KLHDC1: variants seen among roughly 807,000 people sequenced by gnomAD.
KLHDC1 encodes kelch domain containing 1.
KLHDC1 carries 53 observed loss-of-function variants against 68.3 expected under a neutral mutation model. The ratio of observed to expected loss-of-function variants is 0.78; its 90% CI spans 0.62 to 0.98. The LOEUF (loss-of-function observed/expected upper bound fraction) is 0.98, where lower values mean the gene tolerates loss of function less well. Ranked by LOEUF, KLHDC1 falls within the 50% of genes least tolerant of loss-of-function variation. The pLI is 0.00. For synonymous variants in KLHDC1, 148 were observed against 159.0 expected (o/e 0.93, Z 0.52); for missense variants, 470 against 492.3 (o/e 0.95, Z 0.43).
intron 6 of KLHDC1, among the ~76,000 whole-genome samples, chr14:49,727,161 T>C (rs1432369593): frequency 6.6e-6 from 1 of 151,966 alleles, no homozygotes; most frequent in Non-Finnish European, 1.5e-5. Context: ...GGCAGGAGAA[T>C]TGCTTGAACC....
intron 4 of KLHDC1, among the ~76,000 whole-genome samples, chr14:49,714,777 A>G (rs940409194): frequency 8.6e-5 from 13 of 150,726 alleles, no homozygotes; most frequent in East Asian, 3.9e-4. Context: ...ATACTATACT[A>G]TACTATAAAT....
intron 11 of KLHDC1, among the ~76,000 whole-genome samples, chr14:49,740,507 T>C (rs1159184562): frequency 5.9e-5 from 9 of 152,052 alleles, no homozygotes; most frequent in Non-Finnish European, 1.2e-4. Context: ...CCGGCTAATT[T>C]TTTGTATTTT....
intron 11 of KLHDC1, among the ~76,000 whole-genome samples, chr14:49,742,506 A>T (rs1889087774): frequency 6.6e-6 from 1 of 152,046 alleles, no homozygotes. Flanking sequence ...CCCCATCTCT[A>T]CTAAAAATTA....
At chr14:49,718,305 C>G (rs918446076) in intron 4 of KLHDC1, among the ~76,000 whole-genome samples, 3 of 151,906 alleles carry the variant, frequency 2.0e-5, no homozygotes, top group African/African-American at 7.3e-5. Flanking sequence ...GTTTTTGAGA[C>G]AGGGTCTCAC....
At chr14:49,700,024 G>A (rs1191120264) in intron 1 of KLHDC1, 23 of 362,634 alleles carry the variant, frequency 6.3e-5, no homozygotes, top group Non-Finnish European at 1.1e-5. Flanking sequence ...ATGTTTTGCT[G>A]TGAACCTTTT....
At chr14:49,713,075 G>A (rs1415607424) in intron 4 of KLHDC1, among the ~76,000 whole-genome samples, 4 of 148,768 alleles carry the variant, frequency 2.7e-5, no homozygotes, top group Admixed American at 2.0e-4. Context: ...TCAGCCTCCC[G>A]AGTAGCTGGA....
At position 49,740,119 on chromosome 14, in the gene KLHDC1, G is replaced by C; in HGVS notation, c.918G>C (p.Leu306Phe). The C allele has an allele frequency of 6.2e-7, 1 of 1,610,978 alleles. No homozygotes were observed. ...ATAGGTTATGGCACACAGCCTGTTT[G>C]GGAAAAGAAAATGAAATAATGGTAT... ...TRPRLWHTAC[L>F]GKENEIMVFG... is the part of the protein sequence containing the mutation. The change falls in exon 11 of 13, where the codon TTG (leucine) becomes TTC (phenylalanine). Residue 306 changes from leucine to phenylalanine, a missense_variant. Transcript: ENST00000359332.
chr14:49,749,009 C>T (rs1250245989), intron 12 of KLHDC1, among the ~76,000 whole-genome samples: 1 of 151,966 alleles, frequency 6.6e-6, no homozygotes, highest in Non-Finnish European at 1.5e-5. Flanking sequence ...CCATATTGGC[C>T]AGCCTGGTCT....
intron 4 of KLHDC1, among the ~76,000 whole-genome samples, chr14:49,712,160 C>T (rs1232082539): frequency 3.3e-5 from 5 of 151,898 alleles, no homozygotes; most frequent in African/African-American, 1.2e-4. Flanking sequence ...CCTCGTGATC[C>T]ACCCGCTTCA....
At chr14:49,751,418 C>G (rs2139774229) in intron 12 of KLHDC1, among the ~76,000 whole-genome samples, 168 bp from the exon 13 acceptor site, 1 of 151,532 alleles carries the variant, frequency 6.6e-6, no homozygotes, top group South Asian at 2.1e-4. Flanking sequence ...ATCTCATGTA[C>G]CACATAAATA....
At chr14:49,697,466 G>A (rs1203157039) in intron 1 of KLHDC1, among the ~76,000 whole-genome samples, 2 of 152,200 alleles carry the variant, frequency 1.3e-5, no homozygotes, top group South Asian at 4.1e-4. Flanking sequence ...GCAAAAGTTT[G>A]AAATACTGTG....
Position 49,747,085 on chromosome 14 carries a change from C to T in KLHDC1, c.1034+3280C>T, listed in dbSNP as rs368856494. On this transcript the variant is annotated intron_variant, in intron 12 of 12. Coordinates refer to ENST00000359332, the MANE Select transcript of KLHDC1 (RefSeq NM_172193.3). ...CCTCAGCCTCCCGAGTAGCTGGGAC[C>T]ACAGGTGCCCGCCACCACACCCGGC... Among the ~76,000 whole-genome samples the T allele has an allele frequency of 7.2e-5, 11 of 151,884 alleles. No individual in the cohort carries two copies. In the East Asian group the frequency reaches 1.6e-3, roughly 21 times the overall value.
chr14:49,715,083 T>C (rs1329149850), intron 4 of KLHDC1, among the ~76,000 whole-genome samples: 1 of 147,986 alleles, frequency 6.8e-6, no homozygotes, highest in African/African-American at 2.5e-5. Flanking sequence ...TATACATACT[T>C]TATTATATTA....
chr14:49,704,401 T>G (rs538892430), intron 1 of KLHDC1, among the ~76,000 whole-genome samples: 2 of 133,930 alleles, frequency 1.5e-5, no homozygotes, highest in Non-Finnish European at 3.2e-5. Context: ...TTTTTTTTTT[T>G]TTTTTTTTTT....
In KLHDC1 at chr14:49,728,271, C is replaced by T. The variant is rs180971387; in HGVS notation, c.568-655C>T. Among the ~76,000 whole-genome samples, 110 of 152,260 alleles carry T rather than the reference C, an allele frequency of 7.2e-4. 2 individuals are homozygous for T. The East Asian group carries it at 0.018, about 25-fold the overall frequency. On this transcript the variant is annotated intron_variant, in intron 6 of 12. Transcript: ENST00000359332. ...CCGGGAGGTGGAGGTGGCAGTGAGC[C>T]GAGATTGTGCCATTGCACTCAAGCC...
intron 1 of KLHDC1, among the ~76,000 whole-genome samples, chr14:49,699,775 G>A (rs979311042): frequency 6.6e-6 from 1 of 152,116 alleles, no homozygotes; most frequent in Non-Finnish European, 1.5e-5. Context: ...TATCAAAAAA[G>A]TAAATGGTCG....
At chr14:49,710,808 C>T (rs184724810) in intron 4 of KLHDC1, among the ~76,000 whole-genome samples, 1 of 152,104 alleles carries the variant, frequency 6.6e-6, no homozygotes, top group African/African-American at 2.4e-5. Context: ...AACATTTTAG[C>T]TCCTCACTCC....
chr14:49,731,172 T>C (rs1349144016), intron 8 of KLHDC1, among the ~76,000 whole-genome samples: 1 of 151,794 alleles, frequency 6.6e-6, no homozygotes, highest in Non-Finnish European at 1.5e-5. Context: ...CAGAGCTACT[T>C]GGGAGGCTGA....
At position 49,710,443 on chromosome 14, in the gene KLHDC1, A is replaced by G; in HGVS notation, c.404+62A>G. On this transcript the variant is annotated intron_variant, in intron 4 of 12. Transcript: ENST00000359332. Reference sequence around the variant, plus strand: ...CTAAGCAAAGATAATAGCTTTGGCTAAAATACAGAATGCTTAAAGGTATGA... The same window carrying G: ...CTAAGCAAAGATAATAGCTTTGGCTGAAATACAGAATGCTTAAAGGTATGA... The G allele has an allele frequency of 1.3e-5, 11 of 867,408 alleles. No individual in the cohort carries two copies. The South Asian group carries it at 1.6e-4, about 12-fold the overall frequency. The allele number at this position is 867,408 out of a possible 1,614,324, so 53.7% of individuals were successfully genotyped here.
Sources: gnomAD v4.1 joint callset for allele counts (sites outside exome capture counted in the v4.1 genomes callset) on GRCh38, gnomAD v4.1.1 for gene constraint, MANE v1.5 for transcripts, NCBI Gene and HGNC (gene_info 2026-07-23, HGNC 2026-07-21) for gene names.